Variants in DACH2 observed in about 807,000 individuals in gnomAD.
The protein encoded by DACH2 is dachshund homolog 2.
In DACH2, 17 loss-of-function variants were observed where a neutral mutation model predicts 35.8. That is an observed-to-expected ratio of 0.48 (90% confidence interval 0.33 to 0.71). DACH2 has a LOEUF of 0.71. Ranked by LOEUF, DACH2 falls within the 30% of genes least tolerant of loss-of-function variation. The pLI is 0.02. For missense variants in DACH2, 469 were observed against 472.7 expected (o/e 0.99, Z 0.07); for synonymous variants, 195 against 177.3 (o/e 1.10, Z -0.79).
intron 1 of DACH2, among the ~76,000 whole-genome samples, chrX:86,285,971 T>C (rs1371648392): frequency 2.2e-5 from 2 of 89,285 alleles, no homozygotes; most frequent in Non-Finnish European, 4.3e-5. Flanking sequence ...GATATAAATG[T>C]AGGTACTCAT....
chrX:86,224,685 AT>A (rs2032784793), intron 1 of DACH2, among the ~76,000 whole-genome samples: 2 of 111,477 alleles, frequency 1.8e-5, no homozygotes, highest in Admixed American at 9.5e-5. Context: ...AGAACGCAGG[AT>A]TTTTTTAAAC....
intron 5 of DACH2, among the ~76,000 whole-genome samples, chrX:86,709,333 A>G (rs1022643934): frequency 8.9e-6 from 1 of 111,828 alleles, no homozygotes; most frequent in African/African-American, 3.2e-5. Flanking sequence ...TACAAATTAC[A>G]GTGGAACAAT....
At chrX:86,270,433 A>C (rs187288130) in intron 1 of DACH2, among the ~76,000 whole-genome samples, 4 of 111,457 alleles carry the variant, frequency 3.6e-5, no homozygotes, top group Admixed American at 2.9e-4. Context: ...CATCAAGTAC[A>C]TTTCTCCACA....
intron 4 of DACH2, among the ~76,000 whole-genome samples, chrX:86,671,641 C>A (rs2040766266): frequency 8.9e-6 from 1 of 111,818 alleles, no homozygotes; most frequent in Non-Finnish European, 1.9e-5. Context: ...CCTCCACACC[C>A]AGACTTACTG....
intron 2 of DACH2, among the ~76,000 whole-genome samples, chrX:86,487,223 C>A (rs1368237343): frequency 1.8e-5 from 2 of 111,611 alleles, no homozygotes; most frequent in Non-Finnish European, 3.8e-5. Context: ...CAACTATGGG[C>A]ACATTGGAAT....
intron 1 of DACH2, among the ~76,000 whole-genome samples, chrX:86,209,964 G>A (rs1234611588): frequency 9.0e-6 from 1 of 110,949 alleles, no homozygotes; most frequent in African/African-American, 3.3e-5. Context: ...TGCTTATGAA[G>A]AAAAAAAATC....
intron 1 of DACH2, among the ~76,000 whole-genome samples, chrX:86,165,112 A>G (rs1398806935): frequency 9.1e-6 from 1 of 109,790 alleles, no homozygotes; most frequent in Admixed American, 9.7e-5. Context: ...ATTTTTTTTG[A>G]GCAGTGTTTT....
chrX:86,566,373 C>T (rs1469035386), intron 3 of DACH2, among the ~76,000 whole-genome samples: 2 of 111,414 alleles, frequency 1.8e-5, no homozygotes, highest in Non-Finnish European at 3.8e-5. Flanking sequence ...GAGCAGCCTC[C>T]TTCTGGGCTT....
chrX:86,537,164 T>C (rs2148294871), intron 3 of DACH2, among the ~76,000 whole-genome samples: 1 of 111,830 alleles, frequency 8.9e-6, no homozygotes, highest in East Asian at 2.8e-4. Context: ...TTCTAGCTTG[T>C]ACTATCCAGT....
intron 3 of DACH2, among the ~76,000 whole-genome samples, chrX:86,531,756 A>G (rs2038724730): frequency 8.9e-6 from 1 of 112,372 alleles, no homozygotes; most frequent in African/African-American, 3.2e-5. Flanking sequence ...GACACTGCCT[A>G]GTGGAGCTGA....
intron 1 of DACH2, among the ~76,000 whole-genome samples, chrX:86,220,684 G>T (rs1303977555): frequency 3.6e-5 from 4 of 111,965 alleles, no homozygotes; most frequent in Non-Finnish European, 3.8e-5. Flanking sequence ...ATGCACCTGG[G>T]AGTGCAGATA....
At chrX:86,796,648 GA>G (rs2042241867) in intron 7 of DACH2, among the ~76,000 whole-genome samples, 1 of 111,990 alleles carries the variant, frequency 8.9e-6, no homozygotes, top group Non-Finnish European at 1.9e-5. Flanking sequence ...TCATGTTGCA[GA>G]ATTTCTCTGG....
rs145699772 is a variant in DACH2, at chrX:86,688,268, T to A, written c.773-6753T>A. 7.6e-3 allele frequency among the ~76,000 whole-genome samples: 849 copies of A among 111,804 alleles called. 19 individuals are homozygous for A. The highest frequency in any genetic ancestry group is 0.066 in the Admixed American group (691 of 10,466). On this transcript the variant is annotated intron_variant, in intron 4 of 11. Coordinates refer to ENST00000373125, the MANE Select transcript of DACH2 (RefSeq NM_053281.3). ...CTTTTTAAATTGTCCTTTCTGATAC[T>A]CCATCTTCTTTATTTTTGTTTTTCA...
At chrX:86,782,758 C>T (rs2042100637) in intron 7 of DACH2, among the ~76,000 whole-genome samples, 1 of 111,397 alleles carries the variant, frequency 9.0e-6, no homozygotes, top group Non-Finnish European at 1.9e-5. Flanking sequence ...AAAATCAGAT[C>T]AAAATGGATT....
At chrX:86,366,064 G>T (rs1362300738) in intron 1 of DACH2, among the ~76,000 whole-genome samples, 1 of 111,385 alleles carries the variant, frequency 9.0e-6, no homozygotes, top group Non-Finnish European at 1.9e-5. Flanking sequence ...AGTGTTCATT[G>T]TAACAACCTT....
intron 2 of DACH2, 29 bp downstream of exon 2, chrX:86,376,891 A>C: frequency 1.5e-6 from 1 of 655,819 alleles, no homozygotes; most frequent in Non-Finnish European, 2.4e-6. Flanking sequence ...TTTAAAAATC[A>C]AATTCCTGAG....
intron 5 of DACH2, among the ~76,000 whole-genome samples, chrX:86,699,520 C>T (rs67734845): frequency 0.12 from 13,456 of 110,613 alleles, 677 homozygotes; most frequent in East Asian, 0.32. Flanking sequence ...GAGACTTATT[C>T]GCCACCATGA....
chrX:86,537,657 T>A (rs1055157015), intron 3 of DACH2, among the ~76,000 whole-genome samples: 1 of 111,893 alleles, frequency 8.9e-6, no homozygotes, highest in Non-Finnish European at 1.9e-5. Flanking sequence ...CTGAATTCTT[T>A]GCTTTTTAGT....
At chrX:86,150,777 G>T (rs2147854602) in intron 1 of DACH2, among the ~76,000 whole-genome samples, 1 of 111,828 alleles carries the variant, frequency 8.9e-6, no homozygotes, top group South Asian at 3.7e-4. Flanking sequence ...AAACTAAAAA[G>T]GTTACAAGGG....
Sources: allele counts gnomAD v4.1 joint callset (sites outside exome capture counted in the v4.1 genomes callset), GRCh38; gene constraint gnomAD v4.1.1; transcripts MANE v1.5; gene names NCBI Gene and HGNC (gene_info 2026-07-23, HGNC 2026-07-21).